The following ELAVL2 variants were observed in gnomAD, a reference collection of about 807,000 sequenced individuals.
The protein encoded by ELAVL2 is ELAV-like protein 2.
ELAVL2 carries 4 observed loss-of-function variants against 34.6 expected under a neutral mutation model. The ratio of observed to expected loss-of-function variants is 0.12; its 90% confidence interval spans 0.06 to 0.26. The LOEUF (loss-of-function observed/expected upper bound fraction) is 0.26, where lower values mean the gene tolerates loss of function less well. Among genes scored for constraint, ELAVL2 ranks in the 10% least tolerant of loss-of-function variants. The pLI is 1.00. For synonymous variants in ELAVL2, 193 were observed against 154.8 expected (o/e 1.25, Z -1.83); for missense variants, 432 against 442.8 (o/e 0.98, Z 0.22).
At chr9:23,818,700 T>G (rs180901370) in intron 1 of ELAVL2, among the ~76,000 whole-genome samples, 87 of 152,058 alleles carry the variant, frequency 5.7e-4, no homozygotes, top group African/African-American at 2.1e-3. Context: ...ACATTATGAG[T>G]GATAAAAGTG....
intron 2 of ELAVL2, among the ~76,000 whole-genome samples, chr9:23,742,490 G>T (rs117555668): frequency 0.015 from 2,245 of 152,262 alleles, 42 homozygotes; most frequent in East Asian, 0.1. Context: ...AAGAGGGAGG[G>T]AAGCTGAGTC....
At chr9:23,817,891 T>C (rs2063941411) in intron 1 of ELAVL2, among the ~76,000 whole-genome samples, 1 of 152,242 alleles carries the variant, frequency 6.6e-6, no homozygotes, top group South Asian at 2.1e-4. Context: ...TCTTTTAATA[T>C]GTAAAAGCCT....
rs764708123 is a variant in ELAVL2, at chr9:23,816,346, AG to A, written c.-16+9459del. ...AAAAAAAAAAAAAAAAAAAAAAAAA[AG>A]GGGATAAAAATCCATCTTGAAGGAA... is the stretch of plus-strand genomic sequence containing the variant. On this transcript the variant is annotated intron_variant, in intron 1 of 6. Transcript: ENST00000397312. 3.3e-3 allele frequency among the ~76,000 whole-genome samples: 429 copies of A among 130,972 alleles called. 6 individuals are homozygous for A. The highest frequency in any genetic ancestry group is 8.7e-3 in the African/African-American group (290 of 33,274). 85.9% of individuals were successfully genotyped at this position (130,972 alleles called of 152,430 possible).
intron 1 of ELAVL2, among the ~76,000 whole-genome samples, chr9:23,774,392 A>T (rs572585601): frequency 1.2e-3 from 186 of 152,224 alleles, no homozygotes; most frequent in African/African-American, 3.9e-3. Flanking sequence ...AAAGTACAGT[A>T]TGCAGACTTT....
chr9:23,801,745 G>T (rs1322603941), intron 1 of ELAVL2, among the ~76,000 whole-genome samples: 1 of 152,158 alleles, frequency 6.6e-6, no homozygotes, highest in African/African-American at 2.4e-5. Flanking sequence ...AAACTAGAAA[G>T]AAATTAATTC....
chr9:23,754,389 C>G (rs1168059367), intron 2 of ELAVL2, among the ~76,000 whole-genome samples: 2 of 152,010 alleles, frequency 1.3e-5, no homozygotes, highest in African/African-American at 2.4e-5. Flanking sequence ...AATTAACTTA[C>G]TGAATGGTGA....
intron 1 of ELAVL2, among the ~76,000 whole-genome samples, chr9:23,800,390 G>A (rs556171942): frequency 3.9e-5 from 6 of 152,262 alleles, no homozygotes; most frequent in African/African-American, 7.2e-5. Context: ...TTCACAACCC[G>A]GGATGGTAGT....
chr9:23,702,970 A>C (rs867533049), intron 4 of ELAVL2, among the ~76,000 whole-genome samples: 4 of 145,994 alleles, frequency 2.7e-5, no homozygotes, highest in East Asian at 2.0e-4. Flanking sequence ...AAAAAAAAAA[A>C]AAAAAAAAAA....
chr9:23,761,913 G>T, intron 2 of ELAVL2, 93 bp downstream of exon 2: 1 of 1,388,250 alleles, frequency 7.2e-7, no homozygotes, highest in African/African-American at 1.5e-5. Flanking sequence ...TAAAATTGCA[G>T]CAGTGAATTA....
At chr9:23,697,849 G>A (rs1329026) in intron 5 of ELAVL2, among the ~76,000 whole-genome samples, 3,431 of 151,598 alleles carry the variant, frequency 0.023, 150 homozygotes, top group African/African-American at 0.08. Context: ...AAATATACTC[G>A]GAATCCCACA....
chr9:23,811,286 T>A (rs1042085265), intron 1 of ELAVL2, among the ~76,000 whole-genome samples: 3 of 146,920 alleles, frequency 2.0e-5, no homozygotes, highest in Non-Finnish European at 3.0e-5. Flanking sequence ...CTCCACTAAA[T>A]CAAAAAGGTA....
intron 3 of ELAVL2, 131 bp from the exon 4 acceptor site, chr9:23,705,202 T>C: frequency 2.1e-6 from 2 of 975,102 alleles, no homozygotes; most frequent in Non-Finnish European, 3.0e-6. Context: ...AGTCAGGTGC[T>C]AACTGCTTTA....
Position 23,774,726 on chromosome 9 carries a change from A to G in ELAVL2, c.-15-12477T>C, listed in dbSNP as rs148607743. On this transcript the variant is annotated intron_variant, in intron 1 of 6. Coordinates refer to ENST00000397312, the MANE Select transcript of ELAVL2 (RefSeq NM_004432.5). The stretch of plus-strand genomic sequence containing the variant: ...GCCTGCTTATGCTCAGGCTCTTGGA[A>G]TTTTAATAAGATTAGAAATTGCTAC... Among the ~76,000 whole-genome samples, 282 of 146,186 alleles carry G rather than the reference A, an allele frequency of 1.9e-3. 2 individuals are homozygous for G. Among genetic ancestry groups the G allele is most frequent in the African/African-American group, 6.9e-3 (273 of 39,434 alleles).
intron 2 of ELAVL2, among the ~76,000 whole-genome samples, chr9:23,751,415 G>A (rs2051998553): frequency 6.6e-6 from 1 of 152,122 alleles, no homozygotes; most frequent in Non-Finnish European, 1.5e-5. Flanking sequence ...TGTGATGACT[G>A]AATGAAGAAA....
intron 1 of ELAVL2, among the ~76,000 whole-genome samples, chr9:23,770,927 A>G (rs2057187897): frequency 6.6e-6 from 1 of 152,224 alleles, no homozygotes; most frequent in Non-Finnish European, 1.5e-5. Context: ...CAGAATGACA[A>G]GGAGATAACA....
intron 1 of ELAVL2, among the ~76,000 whole-genome samples, chr9:23,812,544 G>T (rs758049330): frequency 7.2e-5 from 11 of 152,034 alleles, no homozygotes; most frequent in Non-Finnish European, 1.6e-4. Context: ...GCAATGAGAT[G>T]CTGCAGGGAG....
intron 1 of ELAVL2, chr9:23,821,203 C>T (rs2064626484): frequency 6.5e-6 from 1 of 152,732 alleles, no homozygotes; most frequent in African/African-American, 2.4e-5. Context: ...GCCCCCTCCC[C>T]CACTTTCCCT....
chr9:23,712,983 C>A (rs1355904804), intron 3 of ELAVL2, among the ~76,000 whole-genome samples: 1 of 152,192 alleles, frequency 6.6e-6, no homozygotes, highest in East Asian at 1.9e-4. Context: ...CTTTTTCACA[C>A]ATCTTAAACA....
chr9:23,773,572 C>T (rs1006491379), intron 1 of ELAVL2, among the ~76,000 whole-genome samples: 10 of 152,252 alleles, frequency 6.6e-5, no homozygotes, highest in African/African-American at 1.9e-4. Context: ...TATGTATAAC[C>T]TGTATATACA....
Sources: gnomAD v4.1 joint callset for allele counts (sites outside exome capture counted in the v4.1 genomes callset) on GRCh38, gnomAD v4.1.1 for gene constraint, MANE v1.5 for transcripts, NCBI Gene and HGNC (gene_info 2026-07-23, HGNC 2026-07-21) for gene names.